EIF4E: variants seen among roughly 807,000 people sequenced by gnomAD.
EIF4E encodes the protein eukaryotic translation initiation factor 4E, also known as eIF-4F 25 kDa subunit.
For synonymous variants in EIF4E, 71 were observed against 88.5 expected, an observed-to-expected ratio of 0.80 and a Z score of 1.11; for missense variants, 113 against 265.6, an observed-to-expected ratio of 0.43 and a Z score of 3.99.
intron 1 of EIF4E, among the ~76,000 whole-genome samples, chr4:98,911,225 T>A (rs1454519065): frequency 2.0e-5 from 3 of 151,396 alleles, no homozygotes; most frequent in African/African-American, 7.3e-5. Context: ...ATTTTTGTAT[T>A]TTTAGTACAG....
rs1560656521 is a variant in EIF4E, at chr4:98,922,906, T to C, written c.18+6189A>G. On this transcript the variant is annotated intron_variant, in intron 1 of 6. Coordinates refer to ENST00000450253, the MANE Select transcript of EIF4E (RefSeq NM_001968.5). ...TCTTGTTGCCCAGGCTGGAGTGCGA[T>C]GGCAGACATAGGCTCACCGCAACCT... Among the ~76,000 whole-genome samples, 3 of 150,816 alleles carry C rather than the reference T, an allele frequency of 2.0e-5. No individual in the cohort carries two copies. The South Asian group carries it at 6.3e-4, about 32-fold the overall frequency.
intron 2 of EIF4E, among the ~76,000 whole-genome samples, chr4:98,896,363 C>A (rs7676504): frequency 6.6e-6 from 1 of 150,662 alleles, no homozygotes; most frequent in Non-Finnish European, 1.5e-5. Context: ...TAGAGCAAGA[C>A]CCTGTCAAGG....
chr4:98,886,575 C>T, intron 5 of EIF4E: 1 of 396,456 alleles, frequency 2.5e-6, no homozygotes, highest in Non-Finnish European at 5.0e-6. Flanking sequence ...ATTAGCTGGG[C>T]ATGGTGGCAT....
At chr4:98,901,731 G>C (rs1724657132) in intron 2 of EIF4E, 145 bp downstream of exon 2, 4 of 773,756 alleles carry the variant, frequency 5.2e-6, no homozygotes, top group Non-Finnish European at 9.2e-6. Context: ...CTGTCTGCTG[G>C]TCATGGGTCA....
chr4:98,923,768 G>C (rs2110226897), intron 1 of EIF4E, among the ~76,000 whole-genome samples: 1 of 152,268 alleles, frequency 6.6e-6, no homozygotes, highest in Non-Finnish European at 1.5e-5. Context: ...GCAGCAATGT[G>C]AATTTCCAAG....
At chr4:98,911,748 G>A (rs1031312253) in intron 1 of EIF4E, among the ~76,000 whole-genome samples, 10 of 150,920 alleles carry the variant, frequency 6.6e-5, no homozygotes, top group Admixed American at 4.0e-4. Context: ...ATTCTTAAGG[G>A]AGCACTAACA....
At chr4:98,927,841 T>C (rs960255235) in intron 1 of EIF4E, among the ~76,000 whole-genome samples, 3 of 152,182 alleles carry the variant, frequency 2.0e-5, no homozygotes, top group South Asian at 2.1e-4. Context: ...GCACACAAGA[T>C]ATCTTCACTT....
chr4:98,914,975 G>A (rs1351908796), intron 1 of EIF4E, among the ~76,000 whole-genome samples: 2 of 152,124 alleles, frequency 1.3e-5, no homozygotes, highest in East Asian at 1.9e-4. Flanking sequence ...ACAGGGTCCC[G>A]CTCTGATGCC....
chr4:98,899,044 T>G (rs1265719583), intron 2 of EIF4E, among the ~76,000 whole-genome samples: 1 of 150,456 alleles, frequency 6.6e-6, no homozygotes. Flanking sequence ...ACATGAAAAT[T>G]AAAGACCTCT....
At chr4:98,891,753 T>C (rs1244861278) in intron 2 of EIF4E, among the ~76,000 whole-genome samples, 1 of 152,238 alleles carries the variant, frequency 6.6e-6, no homozygotes, top group Admixed American at 6.5e-5. Flanking sequence ...AGAAAGTACT[T>C]AACATTAACT....
At chr4:98,903,932 A>C (rs1185277110) in intron 1 of EIF4E, among the ~76,000 whole-genome samples, 1 of 152,230 alleles carries the variant, frequency 6.6e-6, no homozygotes, top group Non-Finnish European at 1.5e-5. Context: ...ATGGGTTTCC[A>C]GGCAGACAGT....
chr4:98,891,401 AAAGTCAAAAGG>A (rs1724137771), intron 2 of EIF4E, 69 bp from the exon 3 acceptor site: 15 of 1,435,430 alleles, frequency 1.0e-5, no homozygotes, highest in Non-Finnish European at 1.4e-5. Flanking sequence ...ATTATTCACA[AAAGTCAAAAGG>A]TAGAAGCAAC....
At chr4:98,926,007 AG>A (rs1725848845) in intron 1 of EIF4E, 1 of 152,042 alleles carries the variant, frequency 6.6e-6, no homozygotes, top group Non-Finnish European at 1.5e-5. Flanking sequence ...CTCTACAAAA[AG>A]TTTAAAAATT....
At chr4:98,895,279 T>C (rs899900093) in intron 2 of EIF4E, 15 of 152,332 alleles carry the variant, frequency 9.8e-5, no homozygotes, top group African/African-American at 2.9e-4. Context: ...CTTCAATTTA[T>C]AGAAAAGGCA....
chr4:98,902,951 G>A (rs1056548617), intron 1 of EIF4E, among the ~76,000 whole-genome samples: 5 of 152,276 alleles, frequency 3.3e-5, no homozygotes, highest in Admixed American at 1.3e-4. Flanking sequence ...TTACCCTATC[G>A]TAACCTAAAA....
At chr4:98,885,530 C>T (rs1426954749) in intron 5 of EIF4E, among the ~76,000 whole-genome samples, 1 of 152,140 alleles carries the variant, frequency 6.6e-6, no homozygotes, top group African/African-American at 2.4e-5. Flanking sequence ...TCACTGCAGC[C>T]TCAACCTCCT....
At chr4:98,895,891 A>G (rs1270633186) in intron 2 of EIF4E, among the ~76,000 whole-genome samples, 3 of 151,972 alleles carry the variant, frequency 2.0e-5, no homozygotes. Context: ...TCTCTACTAG[A>G]CATTTAAAAA....
rs559254046 is a variant in EIF4E, at chr4:98,892,172, C to T, written c.126-840G>A. 6.0e-5 allele frequency among the ~76,000 whole-genome samples: 9 copies of T among 151,106 alleles called. No homozygotes were observed. The East Asian group carries it at 1.8e-3, about 30-fold the overall frequency. On this transcript the variant is annotated intron_variant, in intron 2 of 6. Transcript: ENST00000450253. Reference sequence around the variant, plus strand: ...GACCAGCCTGATCAACATGGAGAAACTCCGTCTCTAGGAAAAATACAAAAC... The same window carrying T: ...GACCAGCCTGATCAACATGGAGAAATTCCGTCTCTAGGAAAAATACAAAAC...
intron 1 of EIF4E, among the ~76,000 whole-genome samples, chr4:98,904,823 A>T (rs1724799495): frequency 6.6e-6 from 1 of 152,110 alleles, no homozygotes; most frequent in South Asian, 2.1e-4. Context: ...ACAACTTAAA[A>T]AAGGAGCTAC....
Sources: gnomAD v4.1 joint callset for allele counts (sites outside exome capture counted in the v4.1 genomes callset) on GRCh38, gnomAD v4.1.1 for gene constraint, MANE v1.5 for transcripts, NCBI Gene and HGNC (gene_info 2026-07-23, HGNC 2026-07-21) for gene names.